Variants in SP140L observed in about 807,000 individuals in gnomAD.
SP140L encodes the protein nuclear body protein SP140-like protein.
A neutral mutation model predicts 84.3 loss-of-function variants in SP140L; 64 were observed. The observed-to-expected ratio is 0.76, with a 90% confidence interval of 0.62 to 0.94. SP140L has a LOEUF of 0.94. Ranked by LOEUF, SP140L falls within the 40% of genes least tolerant of loss-of-function variation. The pLI is 0.00. For missense variants in SP140L, 628 were observed against 692.5 expected, an observed-to-expected ratio of 0.91 and a Z score of 1.05; for synonymous variants, 242 against 236.9, an observed-to-expected ratio of 1.02 and a Z score of -0.20.
At chr2:230,343,987 T>C (rs112313495) in intron 2 of SP140L, among the ~76,000 whole-genome samples, 3,954 of 152,288 alleles carry the variant, frequency 0.026, 177 homozygotes, top group African/African-American at 0.09. Context: ...ATGGGAAGAA[T>C]GTGTATTCTG....
At chr2:230,358,397 A>C (rs950123872) in intron 3 of SP140L, among the ~76,000 whole-genome samples, 13 of 152,172 alleles carry the variant, frequency 8.5e-5, no homozygotes, top group Non-Finnish European at 1.6e-4. Context: ...TTTCTCCAAC[A>C]CATTTGTTTT....
chr2:230,403,022 C>A lies in SP140L; in HGVS notation c.*126C>A. On this transcript the variant is annotated 3_prime_UTR_variant, in exon 19 of 19. Transcript: ENST00000415673. ...TTTCTCTGAGCCTCCCTCATCTGCCCAAAAACAAATCCTCAAAAGAAATTT... is the reference window on the plus strand; with the variant it reads ...TTTCTCTGAGCCTCCCTCATCTGCCAAAAAACAAATCCTCAAAAGAAATTT... The A allele has an allele frequency of 1.5e-6, 1 of 687,180 alleles. No homozygotes were observed. Among genetic ancestry groups the A allele is most frequent in the Non-Finnish European group, 2.4e-6 (1 of 410,910 alleles). 42.6% of individuals were successfully genotyped at this position (687,180 alleles called of 1,614,324 possible). A position where few individuals can be genotyped will look rare whatever the true frequency, so the allele number is the denominator to read the frequency against.
chr2:230,338,124 T>C (rs2059932062), intron 2 of SP140L, among the ~76,000 whole-genome samples: 1 of 132,778 alleles, frequency 7.5e-6, no homozygotes, highest in African/African-American at 2.9e-5. Flanking sequence ...TTCCTACCCA[T>C]GAGCATGGAA....
At chr2:230,337,628 G>A (rs1391408580) in intron 2 of SP140L, among the ~76,000 whole-genome samples, 1 of 152,156 alleles carries the variant, frequency 6.6e-6, no homozygotes, top group Non-Finnish European at 1.5e-5. Flanking sequence ...ATGGTTTTAG[G>A]TCTAACATGT....
intron 13 of SP140L, among the ~76,000 whole-genome samples, 180 bp from the exon 14 acceptor site, chr2:230,396,577 G>A (rs867508665): frequency 2.6e-5 from 4 of 152,196 alleles, no homozygotes; most frequent in Admixed American, 6.5e-5. Flanking sequence ...GTTTCAGTTT[G>A]CTTACATAGG....
In SP140L at chr2:230,388,554, C is replaced by T. The variant is rs757101582; in HGVS notation, c.785-5C>T. 2 of 1,603,664 alleles carry T rather than the reference C, an allele frequency of 1.2e-6. No individual in the cohort carries two copies. The highest frequency in any genetic ancestry group is 2.7e-5 in the African/African-American group (2 of 74,558). ...AACTGTGATTTTATTATTCTACTTT[C>T]TCAGGGAGAAAGAGAGGCAAACCTG... is the stretch of plus-strand genomic sequence containing the variant. On this transcript the variant is annotated splice_polypyrimidine_tract_variant and splice_region_variant and intron_variant, in intron 9 of 18. Coordinates refer to ENST00000415673, the MANE Select transcript of SP140L (RefSeq NM_138402.6).
At chr2:230,349,069 T>C (rs1407971131) in intron 2 of SP140L, among the ~76,000 whole-genome samples, 2 of 152,244 alleles carry the variant, frequency 1.3e-5, no homozygotes, top group Non-Finnish European at 2.9e-5. Flanking sequence ...TGATGTGAGG[T>C]AAGAGTCTAC....
At chr2:230,384,834 C>G (rs2061520906) in intron 8 of SP140L, among the ~76,000 whole-genome samples, 1 of 152,092 alleles carries the variant, frequency 6.6e-6, no homozygotes, top group Non-Finnish European at 1.5e-5. Flanking sequence ...ATCACTTGAA[C>G]CCAAAAGGCA....
rs375049932 is a variant in SP140L at position 230,359,134 on chromosome 2, T to C, written c.439+2T>C. ...ACATTTATAAAAGCTTCAAAAATGG[T>C]AATTAGGTTTATTATCTACCTTTTG... On this transcript the variant is annotated splice_donor_variant, in intron 4 of 18. Coordinates refer to ENST00000415673, the MANE Select transcript of SP140L (RefSeq NM_138402.6). LOFTEE classifies it high-confidence loss of function. The C allele has an allele frequency of 1.2e-6, 2 of 1,604,814 alleles. No homozygotes were observed. The highest frequency in any genetic ancestry group is 2.7e-5 in the African/African-American group (2 of 74,182).
intron 7 of SP140L, among the ~76,000 whole-genome samples, chr2:230,374,413 TAAAG>T (rs1172674297): frequency 6.6e-6 from 1 of 152,190 alleles, no homozygotes; most frequent in African/African-American, 2.4e-5. Flanking sequence ...TATGGATGAT[TAAAG>T]AAAGTGGTTT....
chr2:230,384,623 G>T (rs1350772147), intron 8 of SP140L, among the ~76,000 whole-genome samples: 1 of 152,176 alleles, frequency 6.6e-6, no homozygotes, highest in Non-Finnish European at 1.5e-5. Context: ...TTAAGAATGG[G>T]TGTTTTTGGC....
intron 2 of SP140L, among the ~76,000 whole-genome samples, chr2:230,343,033 T>C (rs926128610): frequency 6.6e-6 from 1 of 152,252 alleles, no homozygotes; most frequent in Non-Finnish European, 1.5e-5. Flanking sequence ...TTGCTCCTGC[T>C]GCATCCCATA....
intron 4 of SP140L, among the ~76,000 whole-genome samples, chr2:230,359,502 G>T (rs1028733353): frequency 3.7e-4 from 56 of 152,318 alleles, no homozygotes; most frequent in Non-Finnish European, 1.3e-4. Flanking sequence ...TGCCTTGAGT[G>T]ACAGTTTAGC....
intron 2 of SP140L, among the ~76,000 whole-genome samples, chr2:230,347,404 C>A (rs1374766972): frequency 6.6e-6 from 1 of 152,048 alleles, no homozygotes; most frequent in East Asian, 1.9e-4. Flanking sequence ...GTATTGTTAT[C>A]AGGTACCTGG....
At chr2:230,393,149 A>G (rs1471126150) in intron 12 of SP140L, among the ~76,000 whole-genome samples, 1 of 152,210 alleles carries the variant, frequency 6.6e-6, no homozygotes, top group Non-Finnish European at 1.5e-5. Flanking sequence ...GATAGATGGT[A>G]TGAGATTATG....
intron 7 of SP140L, 74 bp downstream of exon 7, chr2:230,371,725 A>G (rs2061079224): frequency 3.0e-6 from 4 of 1,321,376 alleles, no homozygotes; most frequent in South Asian, 1.3e-5. Context: ...TCTTTTTGTC[A>G]TTGTTACTGT....
chr2:230,346,940 A>AT (rs1299653896), intron 2 of SP140L, among the ~76,000 whole-genome samples: 4 of 151,944 alleles, frequency 2.6e-5, no homozygotes, highest in Non-Finnish European at 1.5e-5. Flanking sequence ...TTTTTTGCTG[A>AT]TTTTTTATGA....
At chr2:230,401,219 A>C in intron 16 of SP140L, 147 bp from the exon 17 acceptor site, 1 of 694,340 alleles carries the variant, frequency 1.4e-6, no homozygotes, top group Non-Finnish European at 2.4e-6. Flanking sequence ...TGCACAAAAA[A>C]TAACTCAGCC....
chr2:230,358,114 T>C (rs1409778888), intron 3 of SP140L, 147 bp downstream of exon 3: 6 of 897,346 alleles, frequency 6.7e-6, no homozygotes, highest in Non-Finnish European at 6.8e-6. Flanking sequence ...TGGTGTTCCA[T>C]GGCACCCTCT....
Sources: allele counts gnomAD v4.1 joint callset (sites outside exome capture counted in the v4.1 genomes callset), GRCh38; gene constraint gnomAD v4.1.1; transcripts MANE v1.5; gene names NCBI Gene and HGNC (gene_info 2026-07-23, HGNC 2026-07-21).